The following ANKS1B variants were observed in gnomAD, a reference collection of about 807,000 sequenced individuals.
ANKS1B encodes the protein ankyrin repeat and sterile alpha motif domain-containing protein 1B.
ANKS1B carries 36 observed loss-of-function variants against 148.3 expected under a neutral mutation model. The ratio of observed to expected loss-of-function variants is 0.24; its 90% CI spans 0.19 to 0.32. The LOEUF (loss-of-function observed/expected upper bound fraction) is 0.32. ANKS1B is among the 10% of genes least tolerant of loss of function. ANKS1B has a pLI of 1.00. For synonymous variants in ANKS1B, 542 were observed against 560.8 expected, an observed-to-expected ratio of 0.97 and a Z score of 0.47; for missense variants, 1,157 against 1,542.6, an observed-to-expected ratio of 0.75 and a Z score of 4.19.
At chr12:99,405,465 C>T (rs1439414740) in intron 11 of ANKS1B, among the ~76,000 whole-genome samples, 3 of 145,416 alleles carry the variant, frequency 2.1e-5, no homozygotes, top group African/African-American at 7.8e-5. Flanking sequence ...TGTTAAGTTG[C>T]CATCAGTTTA....
At chr12:98,905,025 C>T (rs1254309322) in intron 17 of ANKS1B, among the ~76,000 whole-genome samples, 4 of 152,028 alleles carry the variant, frequency 2.6e-5, no homozygotes, top group African/African-American at 4.8e-5. Flanking sequence ...AGTTATAAGA[C>T]GCAAGTTATA....
intron 12 of ANKS1B, among the ~76,000 whole-genome samples, chr12:99,279,538 C>T (rs1167792829): frequency 6.6e-6 from 1 of 152,092 alleles, no homozygotes; most frequent in Non-Finnish European, 1.5e-5. Context: ...ATTCTAGACA[C>T]TTCATATAAA....
At chr12:99,171,655 T>C (rs564625640) in intron 14 of ANKS1B, among the ~76,000 whole-genome samples, 7 of 152,242 alleles carry the variant, frequency 4.6e-5, no homozygotes, top group South Asian at 2.1e-4. Flanking sequence ...TGGTCTAAAA[T>C]AGGAAATGAA....
chr12:99,876,922 C>T (rs538100117), intron 1 of ANKS1B, among the ~76,000 whole-genome samples: 1 of 152,136 alleles, frequency 6.6e-6, no homozygotes, highest in Non-Finnish European at 1.5e-5. Flanking sequence ...TGTGGCCACC[C>T]TTCTGCTGGT....
intron 4 of ANKS1B, among the ~76,000 whole-genome samples, chr12:99,785,953 T>G (rs917519261): frequency 6.6e-6 from 1 of 152,206 alleles, no homozygotes; most frequent in Non-Finnish European, 1.5e-5. Flanking sequence ...AGCACAGTTT[T>G]GAAGGAAATG....
At chr12:99,141,091 C>G (rs961260443) in intron 15 of ANKS1B, among the ~76,000 whole-genome samples, 1 of 152,096 alleles carries the variant, frequency 6.6e-6, no homozygotes, top group Admixed American at 6.6e-5. Context: ...CATCTTTATT[C>G]TTTCCATCCT....
At chr12:98,839,652 G>A (rs117095544) in intron 17 of ANKS1B, among the ~76,000 whole-genome samples, 2,098 of 152,086 alleles carry the variant, frequency 0.014, 30 homozygotes, top group Non-Finnish European at 0.018. Flanking sequence ...ATATCTCTGG[G>A]TAGATTTTAG....
chr12:99,471,118 G>T (rs1157750209), intron 10 of ANKS1B, among the ~76,000 whole-genome samples: 3 of 152,010 alleles, frequency 2.0e-5, no homozygotes, highest in Non-Finnish European at 4.4e-5. Flanking sequence ...ACAACCAAAA[G>T]TATAATTTAA....
intron 1 of ANKS1B, among the ~76,000 whole-genome samples, chr12:99,868,516 C>T (rs557105398): frequency 1.4e-4 from 21 of 151,604 alleles, no homozygotes; most frequent in African/African-American, 4.4e-4. Flanking sequence ...ACATGAAGGA[C>T]GACAAGAAAG....
intron 12 of ANKS1B, among the ~76,000 whole-genome samples, chr12:99,353,334 T>C (rs1217092246): frequency 6.6e-6 from 1 of 152,038 alleles, no homozygotes; most frequent in Non-Finnish European, 1.5e-5. Context: ...AATGTGTGTG[T>C]TGTCTGTAAA....
At chr12:99,069,788 A>G (rs2045699765) in intron 16 of ANKS1B, among the ~76,000 whole-genome samples, 1 of 152,212 alleles carries the variant, frequency 6.6e-6, no homozygotes, top group Admixed American at 6.5e-5. Flanking sequence ...GTGAAATAGT[A>G]AAAATGGCCA....
chr12:98,794,452 C>G (rs560347230), intron 22 of ANKS1B: 2 of 207,292 alleles, frequency 9.6e-6, no homozygotes, highest in Non-Finnish European at 1.9e-5. Context: ...GCAAGCTTGG[C>G]GTTTGGTCGA....
intron 12 of ANKS1B, among the ~76,000 whole-genome samples, chr12:99,383,241 G>C (rs1247469586): frequency 2.0e-5 from 3 of 152,140 alleles, no homozygotes; most frequent in Non-Finnish European, 2.9e-5. Flanking sequence ...GAGCCTCTGT[G>C]AGAATTTTGA....
intron 10 of ANKS1B, among the ~76,000 whole-genome samples, chr12:99,463,831 C>T (rs1209297255): frequency 6.6e-6 from 1 of 152,208 alleles, no homozygotes; most frequent in African/African-American, 2.4e-5. Flanking sequence ...AGGAGGCCTG[C>T]CTGCCTCTGT....
intron 4 of ANKS1B, among the ~76,000 whole-genome samples, chr12:99,802,535 T>C (rs2067077111): frequency 1.3e-5 from 2 of 152,206 alleles, no homozygotes; most frequent in Non-Finnish European, 2.9e-5. Context: ...ATTTTAAATA[T>C]GTGTTATAAT....
chr12:98,885,347 T>C (rs1454621976), intron 17 of ANKS1B, among the ~76,000 whole-genome samples: 1 of 152,204 alleles, frequency 6.6e-6, no homozygotes, highest in Admixed American at 6.5e-5. Flanking sequence ...GACACAGTGT[T>C]CCTTGGTTCT....
At chr12:99,830,936 G>A (rs1211466116) in intron 1 of ANKS1B, among the ~76,000 whole-genome samples, 2 of 152,060 alleles carry the variant, frequency 1.3e-5, no homozygotes, top group African/African-American at 2.4e-5. Flanking sequence ...CAATCTTTCT[G>A]CTCAAATGTC....
At chr12:98,894,788 C>A (rs2099760553) in intron 17 of ANKS1B, 4 of 984,974 alleles carry the variant, frequency 4.1e-6, no homozygotes, top group African/African-American at 3.5e-5. Flanking sequence ...GAGGCGAGGG[C>A]GAGCGCGCCG....
chr12:99,349,798 A>G (rs1298326578), intron 12 of ANKS1B, among the ~76,000 whole-genome samples: 1 of 152,038 alleles, frequency 6.6e-6, no homozygotes, highest in Non-Finnish European at 1.5e-5. Flanking sequence ...AAGAAAATAA[A>G]TGACTTCAAT....
Sources: allele counts gnomAD v4.1 joint callset (sites outside exome capture counted in the v4.1 genomes callset), GRCh38; gene constraint gnomAD v4.1.1; transcripts MANE v1.5; gene names NCBI Gene and HGNC (gene_info 2026-07-23, HGNC 2026-07-21).